NLRP14: variants seen among roughly 807,000 people sequenced by gnomAD.
NLRP14 encodes the protein NACHT, LRR and PYD domains-containing protein 14.
NLRP14 carries 105 observed loss-of-function variants against 94.7 expected under a neutral mutation model. The ratio of observed to expected loss-of-function variants is 1.11; its 90% CI spans 0.95 to 1.30. The LOEUF (loss-of-function observed/expected upper bound fraction) is 1.30. Ranked by LOEUF, NLRP14 falls within the 50% of genes most tolerant of loss-of-function variation. The probability of loss-of-function intolerance (pLI) is 0.00; values close to 1 mark genes in which losing one functional copy is unlikely to be tolerated. For synonymous variants in NLRP14, 508 were observed against 459.9 expected, an observed-to-expected ratio of 1.10 and a Z score of -1.34; for missense variants, 1,362 against 1,254.1, an observed-to-expected ratio of 1.09 and a Z score of -1.30.
At position 7,049,743 on chromosome 11, in the gene NLRP14, G is replaced by A. The variant is rs1405667009; in HGVS notation, c.2196G>A (p.Met732Ile). Residue 732 changes from methionine (M) to isoleucine (I), a missense_variant, in exon 6 of 12, where the codon ATG becomes ATA. Physicochemically the swap from Met to Ile is conservative, Grantham distance 10. Coordinates refer to ENST00000299481, the MANE Select transcript of NLRP14 (RefSeq NM_176822.4). The part of the protein sequence containing the change: ...STSLIHNKNL[M>I]HLDLKGSDIG... Reference sequence around the variant, plus strand: ...CTTTGATTCATAACAAGAATCTGATGCATCTTGACCTAAAAGGGAGTGATA... The same window carrying A: ...CTTTGATTCATAACAAGAATCTGATACATCTTGACCTAAAAGGGAGTGATA... The A allele has an allele frequency of 6.2e-7, 1 of 1,609,536 alleles. No individual in the cohort carries two copies. Among genetic ancestry groups the A allele is most frequent in the African/African-American group, 1.3e-5 (1 of 74,936 alleles).
chr11:7,089,063 C>G, the NLRP14 span: 1 of 1,567,656 alleles, frequency 6.4e-7, no homozygotes, highest in Middle Eastern at 1.7e-4. Flanking sequence ...TCGAAGGCTG[C>G]GACTGGCGCC....
chr11:7,079,594 A>G, the NLRP14 span, among the ~76,000 whole-genome samples: 2 of 152,342 alleles, frequency 1.3e-5, no homozygotes, highest in Admixed American at 6.5e-5. Context: ...TTTGAAGACC[A>G]TATATGTTAG....
intron 1 of NLRP14, among the ~76,000 whole-genome samples, chr11:7,038,351 TG>T (rs1852190721): frequency 6.6e-6 from 1 of 152,164 alleles, no homozygotes; most frequent in Non-Finnish European, 1.5e-5. Flanking sequence ...CATAAGAAGA[TG>T]GAATAAATAT....
chr11:7,042,543 G>A lies in NLRP14; in HGVS notation c.517G>A (p.Gly173Ser), dbSNP rs200107828. 5.6e-5 allele frequency: 90 copies of A among 1,614,172 alleles called. No individual in the cohort carries two copies. In the East Asian group the frequency reaches 6.2e-4, roughly 11 times the overall value. ...CTTGTTCGATGTGGATGTCAAAACCGGTGCACAGCCACAGATCGTGGTGCT... is the reference window on the plus strand; with the variant it reads ...CTTGTTCGATGTGGATGTCAAAACCAGTGCACAGCCACAGATCGTGGTGCT... ...EHLFDVDVKT[G>S]AQPQIVVLQG... is the part of the protein sequence containing the mutation. The change falls in exon 4 of 12, where the codon GGT (glycine) becomes AGT (serine). Residue 173 changes from glycine (G) to serine (S), a missense_variant. Transcript: ENST00000299481.
chr11:7,025,150 T>A lies in NLRP14; in HGVS notation c.-22+4380T>A, dbSNP rs143900848. Reference sequence around the variant, plus strand: ...AAGACACACTAGACATAAAAAGGTATAATTTCTATACTGTGAGGGTAAAGA... The same window carrying A: ...AAGACACACTAGACATAAAAAGGTAAAATTTCTATACTGTGAGGGTAAAGA... On this transcript the variant is annotated intron_variant, in intron 1 of 11. Transcript: ENST00000299481. Among the ~76,000 whole-genome samples, 911 of 152,282 alleles carry A rather than the reference T, an allele frequency of 6.0e-3. 6 individuals carry two copies. The highest frequency in any genetic ancestry group is 0.021 in the African/African-American group (880 of 41,572).
At position 7,046,710 on chromosome 11, in the gene NLRP14, T is replaced by C. The variant is rs752073501; in HGVS notation, c.2001T>C (p.Ser667=). Residue 667 remains serine (S), a synonymous_variant, in exon 5 of 12, where the codon TCT becomes TCC. Transcript: ENST00000299481. ...CTCACTGTTGGCAAGATCTCTGTTCTGTGCTTCATACAAATGAACACTTGA... is the reference window on the plus strand; with the variant it reads ...CTCACTGTTGGCAAGATCTCTGTTCCGTGCTTCATACAAATGAACACTTGA... ...RITHCWQDLC[S]VLHTNEHLRE... 2.1e-5 allele frequency: 34 copies of C among 1,613,610 alleles called. No individual in the cohort carries two copies. The highest frequency in any genetic ancestry group is 2.7e-5 in the Non-Finnish European group (32 of 1,179,576).
At chr11:7,049,536 A>C (rs1216871110) in intron 5 of NLRP14, 135 bp from the exon 6 acceptor site, 1 of 712,638 alleles carries the variant, frequency 1.4e-6, no homozygotes, top group Non-Finnish European at 2.4e-6. Flanking sequence ...TGAAGTTATA[A>C]CCCAATTGTT....
In NLRP14 at chr11:7,038,980, G is replaced by T. The variant is rs921940008; in HGVS notation, c.289+105G>T. 1.5e-5 allele frequency: 16 copies of T among 1,071,044 alleles called. 1 individual carries two copies. The South Asian group carries it at 2.6e-4, about 17-fold the overall frequency. 66.3% of individuals were successfully genotyped at this position (1,071,044 alleles called of 1,614,324 possible). On this transcript the variant is annotated intron_variant, in intron 2 of 11. Coordinates refer to ENST00000299481, the MANE Select transcript of NLRP14 (RefSeq NM_176822.4). ...GGGATTTAGGGATTAAACCATGTTG[G>T]GGGACATAAGCTCCATGGTGGTCTT... is the stretch of plus-strand genomic sequence containing the variant.
intron 1 of NLRP14, among the ~76,000 whole-genome samples, chr11:7,034,632 G>T (rs569983555): frequency 3.3e-4 from 50 of 152,304 alleles, no homozygotes; most frequent in Middle Eastern, 6.8e-3. Context: ...CTAAGGACAA[G>T]AGGTTTTAAT....
At position 7,060,026 on chromosome 11, in the gene NLRP14, T is replaced by C. The variant is rs1268012434; in HGVS notation, c.2766T>C (p.Asp922=). The part of the protein sequence containing the change: ...LQDNGVKLLC[D]VFRHPSCNLQ... ...ACAATGGAGTGAAGCTTCTGTGTGA[T>C]GTCTTTCGGCATCCAAGCTGTAATC... The change falls in exon 9 of 12, where the codon GAT becomes GAC. Residue 922 remains aspartate, a synonymous_variant. Transcript: ENST00000299481. 9 of 1,612,778 alleles carry C rather than the reference T, an allele frequency of 5.6e-6. No homozygotes were observed. The highest frequency in any genetic ancestry group is 1.3e-5 in the African/African-American group (1 of 74,956).
downstream of NLRP14, among the ~76,000 whole-genome samples, chr11:7,071,774 A>G (rs1852804034): frequency 1.3e-5 from 2 of 151,538 alleles, no homozygotes; most frequent in Admixed American, 1.3e-4. Context: ...GAGATTCCTG[A>G]ACCCCACACT....
chr11:7,071,179 CAA>C lies in NLRP14; in HGVS notation c.3155_3156del (p.Lys1052ArgfsTer4), dbSNP rs1852790646. On this transcript the variant is annotated frameshift_variant, in exon 12 of 12. Coordinates refer to ENST00000299481, the MANE Select transcript of NLRP14 (RefSeq NM_176822.4). LOFTEE classifies it low-confidence loss of function (END_TRUNC). ...KCKLQVLGLC[K>X]EAFDEEAQKL... ...TGTTCCCTTGTTTTCTCAGGTTGTG[CAA>C]AGAGGCATTTGATGAGGAAGCCCAG... is the stretch of plus-strand genomic sequence containing the variant. 1.2e-6 allele frequency: 2 copies of C among 1,613,764 alleles called. No homozygotes were observed. Among genetic ancestry groups the C allele is most frequent in the East Asian group, 2.2e-5 (1 of 44,818 alleles).
chr11:7,024,661 T>A (rs1207277209), intron 1 of NLRP14, among the ~76,000 whole-genome samples: 1 of 152,224 alleles, frequency 6.6e-6, no homozygotes, highest in African/African-American at 2.4e-5. Flanking sequence ...CATGAGTGTG[T>A]GTGTGTGCAT....
chr11:7,037,844 G>GT (rs1322458771), intron 1 of NLRP14, among the ~76,000 whole-genome samples: 1 of 152,214 alleles, frequency 6.6e-6, no homozygotes, highest in Non-Finnish European at 1.5e-5. Context: ...CCAGAGAGCA[G>GT]TAAGGTCATG....
rs201933802 is a variant in NLRP14 at position 7,042,795 on chromosome 11, A to C, written c.769A>C (p.Ile257Leu). Residue 257 changes from isoleucine to leucine, a missense_variant, in exon 4 of 12, where the codon ATT (isoleucine) becomes CTT (leucine). Transcript: ENST00000299481. ...IMYQPSSLLF[I>L]IDSFDELNFA... Reference sequence around the variant, plus strand: ...GTACCAGCCAAGTAGCCTCTTGTTTATTATTGACAGTTTCGATGAACTGAA... The same window carrying C: ...GTACCAGCCAAGTAGCCTCTTGTTTCTTATTGACAGTTTCGATGAACTGAA... 2.5e-5 allele frequency: 41 copies of C among 1,614,086 alleles called. No homozygotes were observed. The highest frequency in any genetic ancestry group is 3.4e-5 in the Non-Finnish European group (40 of 1,180,026).
At chr11:7,031,546 T>C (rs1456582811) in intron 1 of NLRP14, among the ~76,000 whole-genome samples, 3 of 152,158 alleles carry the variant, frequency 2.0e-5, no homozygotes, top group Admixed American at 2.0e-4. Context: ...CTGCCAACTG[T>C]GCTTGAATTT....
downstream of NLRP14, among the ~76,000 whole-genome samples, chr11:7,072,811 C>T (rs182030904): frequency 2.6e-5 from 4 of 152,316 alleles, no homozygotes; most frequent in Admixed American, 2.0e-4. Context: ...TGTTTTCTAT[C>T]TGTTGGAGGA....
intron 6 of NLRP14, 118 bp downstream of exon 6, chr11:7,049,956 G>C: frequency 1.2e-6 from 1 of 852,574 alleles, no homozygotes; most frequent in Non-Finnish European, 2.0e-6. Context: ...CTACTTTCAT[G>C]ATATGGGGTA....
Sources: allele counts gnomAD v4.1 joint callset (sites outside exome capture counted in the v4.1 genomes callset), GRCh38; gene constraint gnomAD v4.1.1; transcripts MANE v1.5; gene names NCBI Gene and HGNC (gene_info 2026-07-23, HGNC 2026-07-21).